SV2B: variants seen among roughly 807,000 people sequenced by gnomAD.
SV2B encodes synaptic vesicle glycoprotein 2B, also known as solute carrier family 22 member B2.
Under a neutral mutation model 73.9 loss-of-function variants are expected in SV2B, and 41 were observed. The ratio of observed to expected loss-of-function variants is 0.56; its 90% CI spans 0.43 to 0.72. SV2B has a LOEUF of 0.72. Among genes scored for constraint, SV2B ranks in the 30% least tolerant of loss-of-function variants. The probability of loss-of-function intolerance (pLI) is 0.00; values close to 1 mark genes in which losing one functional copy is unlikely to be tolerated. For synonymous variants in SV2B, 314 were observed against 314.2 expected, an observed-to-expected ratio of 1.00 and a Z score of 0.01; for missense variants, 764 against 857.8, an observed-to-expected ratio of 0.89 and a Z score of 1.37.
In SV2B at chr15:91,139,310, C is replaced by T. The variant is rs537067170; in HGVS notation, c.-392+38947C>T. ...GTAGTTCATTAAATTATTCTCTCTA[C>T]TTTTGAATGTGCTTGCAAATTTCCA... is the stretch of plus-strand genomic sequence containing the variant. On this transcript the variant is annotated intron_variant, in intron 1 of 12. Transcript: ENST00000394232. The surrounding 1 kb of genome is among the most constrained non-coding windows in gnomAD (Gnocchi z 5.2). 6.6e-6 allele frequency among the ~76,000 whole-genome samples: 1 copy of T among 151,954 alleles called. No individual in the cohort carries two copies. Among genetic ancestry groups the T allele is most frequent in the Admixed American group, 6.6e-5 (1 of 15,260 alleles).
chr15:91,131,229 A>G (rs1349109214), intron 1 of SV2B, among the ~76,000 whole-genome samples: 2 of 147,232 alleles, frequency 1.4e-5, no homozygotes, highest in African/African-American at 2.5e-5. Flanking sequence ...GGCTCATGCA[A>G]TTCTCCTGCC....
At chr15:91,116,125 A>G (rs754685571) in intron 1 of SV2B, among the ~76,000 whole-genome samples, 7 of 152,230 alleles carry the variant, frequency 4.6e-5, no homozygotes, top group South Asian at 2.1e-4. Context: ...TTGAATCACA[A>G]TTATGAAGAA....
chr15:91,206,870 G>A (rs932752163), intron 1 of SV2B, among the ~76,000 whole-genome samples: 1 of 152,126 alleles, frequency 6.6e-6, no homozygotes, highest in African/African-American at 2.4e-5. Context: ...GCTGATGTTC[G>A]ATGTTAGGAT....
rs1297149156 is a variant in SV2B, at chr15:91,139,803, G to T, written c.-392+39440G>T. Among the ~76,000 whole-genome samples the T allele has an allele frequency of 6.6e-6, 1 of 152,216 alleles. No individual in the cohort carries two copies. The highest frequency in any genetic ancestry group is 1.5e-5 in the Non-Finnish European group (1 of 68,042). On this transcript the variant is annotated intron_variant, in intron 1 of 12. Coordinates refer to ENST00000394232, the MANE Select transcript of SV2B (RefSeq NM_001323032.3). This position sits in a 1 kb window ranked among gnomAD's most constrained non-coding sequence, Gnocchi z 5.2. ...CAAGGAGGTACTCAGATAATTAACA[G>T]GCGTCAGTTGGTTGTAAAAGACGTA...
At chr15:91,246,439 A>G (rs1045887356) in intron 2 of SV2B, among the ~76,000 whole-genome samples, 7 of 152,146 alleles carry the variant, frequency 4.6e-5, no homozygotes, top group South Asian at 2.1e-4. Context: ...CCACTCCCCT[A>G]TATAATCCTA....
chr15:91,099,797 G>A (rs988507096), upstream of SV2B, among the ~76,000 whole-genome samples: 25 of 152,124 alleles, frequency 1.6e-4, no homozygotes, highest in Non-Finnish European at 8.8e-5. Context: ...TCCCCTTCCC[G>A]GGAACTTGCG....
At position 91,202,407 on chromosome 15, in the gene SV2B, A is replaced by G. The variant is rs114136768; in HGVS notation, c.-391-23466A>G. On this transcript the variant is annotated intron_variant, in intron 1 of 12. Coordinates refer to ENST00000394232, the MANE Select transcript of SV2B (RefSeq NM_001323032.3). ...TGAATGAGTTGAATACTCACTCTGT[A>G]TTAGTCACTATTATGTTTATTTACC... Among the ~76,000 whole-genome samples the G allele has an allele frequency of 5.8e-3, 889 of 152,336 alleles. 10 individuals are homozygous for G. Among genetic ancestry groups the G allele is most frequent in the African/African-American group, 0.02 (832 of 41,580 alleles).
At chr15:91,216,997 C>T (rs1323387298) in intron 1 of SV2B, among the ~76,000 whole-genome samples, 1 of 151,160 alleles carries the variant, frequency 6.6e-6, no homozygotes, top group Non-Finnish European at 1.5e-5. Context: ...AAGTGATTCT[C>T]CTGCCTCAGC....
chr15:91,263,121 T>C (rs770570128), intron 6 of SV2B, among the ~76,000 whole-genome samples: 20 of 151,158 alleles, frequency 1.3e-4, no homozygotes, highest in Non-Finnish European at 2.5e-4. Context: ...TAGGCACACA[T>C]ACAGAGACAC....
intron 1 of SV2B, among the ~76,000 whole-genome samples, chr15:91,181,284 G>A (rs2044546955): frequency 1.3e-5 from 2 of 150,802 alleles, no homozygotes; most frequent in Non-Finnish European, 2.9e-5. Context: ...CCGGCCATAT[G>A]AGGTGTCAGT....
intron 1 of SV2B, among the ~76,000 whole-genome samples, chr15:91,181,231 G>A (rs1198604281): frequency 6.6e-6 from 1 of 152,160 alleles, no homozygotes; most frequent in African/African-American, 2.4e-5. Flanking sequence ...TGCAAATGCT[G>A]CTGTCTGATT....
chr15:91,204,359 G>A (rs895622315), intron 1 of SV2B, among the ~76,000 whole-genome samples: 1 of 152,092 alleles, frequency 6.6e-6, no homozygotes, highest in Non-Finnish European at 1.5e-5. Context: ...ACTGCGGCTA[G>A]TGCTACTGTA....
chr15:91,124,434 AAG>A lies in SV2B; in HGVS notation c.-392+24076_-392+24077del, dbSNP rs2042421557. Among the ~76,000 whole-genome samples the A allele has an allele frequency of 6.6e-6, 1 of 152,124 alleles. No homozygotes were observed. The highest frequency in any genetic ancestry group is 1.5e-5 in the Non-Finnish European group (1 of 68,034). On this transcript the variant is annotated intron_variant, in intron 1 of 12. Transcript: ENST00000394232. The surrounding 1 kb of genome is among the most constrained non-coding windows in gnomAD (Gnocchi z 4.6). ...GTGCAGCAGCCAAGAGCCAGTGAGGAAGAGAGCCTGGAGGGGGAAATGTGCAT... is the reference window on the plus strand; with the variant it reads ...GTGCAGCAGCCAAGAGCCAGTGAGGAAGAGCCTGGAGGGGGAAATGTGCAT...
intron 1 of SV2B, among the ~76,000 whole-genome samples, chr15:91,163,311 T>C (rs1172252604): frequency 6.6e-6 from 1 of 152,238 alleles, no homozygotes; most frequent in Non-Finnish European, 1.5e-5. Context: ...ATGGTATTTC[T>C]AGTTCTAGAT....
chr15:91,218,106 TAA>T (rs2046095879), intron 1 of SV2B, among the ~76,000 whole-genome samples: 1 of 152,164 alleles, frequency 6.6e-6, no homozygotes, highest in Admixed American at 6.5e-5. Flanking sequence ...TTATTTAATA[TAA>T]GTTTTATGTG....
rs770428572 is a variant in SV2B at position 91,231,108 on chromosome 15, T to C, written c.451+4394T>C. On this transcript the variant is annotated intron_variant, in intron 2 of 12. Coordinates refer to ENST00000394232, the MANE Select transcript of SV2B (RefSeq NM_001323032.3). This position sits in a 1 kb window ranked among gnomAD's most constrained non-coding sequence, Gnocchi z 4.5. ...TTTCATGGGATAATTATGCATTTTC[T>C]GGGTATGTAAAAAAAAAATCACCCG... Among the ~76,000 whole-genome samples, 42 of 152,220 alleles carry C rather than the reference T, an allele frequency of 2.8e-4. No individual in the cohort carries two copies. The highest frequency in any genetic ancestry group is 4.6e-4 in the Admixed American group (7 of 15,284).
At chr15:91,221,977 G>C (rs2046234958) in intron 1 of SV2B, among the ~76,000 whole-genome samples, 1 of 152,136 alleles carries the variant, frequency 6.6e-6, no homozygotes, top group African/African-American at 2.4e-5. Flanking sequence ...TGGATCAACT[G>C]CTGTAGGCCA....
chr15:91,131,085 A>G (rs920978888), intron 1 of SV2B, among the ~76,000 whole-genome samples: 15 of 150,640 alleles, frequency 1.0e-4, no homozygotes, highest in African/African-American at 3.2e-4. Context: ...TCAATGAACT[A>G]GCGAGTGAGG....
rs988163916 is a variant in SV2B at position 91,227,279 on chromosome 15, T to G, written c.451+565T>G. On this transcript the variant is annotated intron_variant, in intron 2 of 12. Coordinates refer to ENST00000394232, the MANE Select transcript of SV2B (RefSeq NM_001323032.3). The surrounding 1 kb of genome is among the most constrained non-coding windows in gnomAD (Gnocchi z 4.5). ...AGTCCCTGCAGGCTGTTGGGAACCA[T>G]GCTGTGAAGCACAGATGGATTCTGC... Among the ~76,000 whole-genome samples, 1 of 152,166 alleles carries G rather than the reference T, an allele frequency of 6.6e-6. No individual in the cohort carries two copies. The highest frequency in any genetic ancestry group is 2.4e-5 in the African/African-American group (1 of 41,436).
Sources: gnomAD v4.1 joint callset for allele counts (sites outside exome capture counted in the v4.1 genomes callset) on GRCh38, gnomAD v4.1.1 for gene constraint, Gnocchi (gnomAD v3.1) non-coding constraint, MANE v1.5 for transcripts, NCBI Gene and HGNC (gene_info 2026-07-23, HGNC 2026-07-21) for gene names.